The following VCL variants were observed in gnomAD, a reference collection of about 807,000 sequenced individuals.
VCL encodes the protein vinculin, also known as epididymis luminal protein 114.
VCL carries 47 observed loss-of-function variants against 125.7 expected under a neutral mutation model. That is an observed-to-expected ratio of 0.37 (90% CI 0.30 to 0.48). The LOEUF (loss-of-function observed/expected upper bound fraction) is 0.48. VCL is among the 20% of genes least tolerant of loss of function. VCL has a pLI of 0.99. For synonymous variants in VCL, 458 were observed against 514.6 expected (o/e 0.89, Z 1.49); for missense variants, 1,069 against 1,455.5 (o/e 0.73, Z 4.32).
chr10:74,007,589 G>A (rs1457328137), intron 1 of VCL, among the ~76,000 whole-genome samples: 1 of 152,062 alleles, frequency 6.6e-6, no homozygotes, highest in East Asian at 1.9e-4. Flanking sequence ...TCTGCCTCCC[G>A]GGTTCAAGTG....
intron 8 of VCL, among the ~76,000 whole-genome samples, chr10:74,083,934 C>T (rs1246605820): frequency 6.6e-6 from 1 of 151,972 alleles, no homozygotes; most frequent in Non-Finnish European, 1.5e-5. Flanking sequence ...GTGGCGCGAT[C>T]TTGGGTCACT....
chr10:74,090,109 A>G lies in VCL; in HGVS notation c.1263A>G (p.Leu421=), dbSNP rs747806207. The G allele has an allele frequency of 3.7e-6, 6 of 1,614,084 alleles. No homozygotes were observed. Among genetic ancestry groups the G allele is most frequent in the African/African-American group, 1.3e-5 (1 of 74,924 alleles). The change falls in exon 10 of 22, where the codon TTA becomes TTG. Residue 421 remains leucine (L), a synonymous_variant. Transcript: ENST00000211998. Reference sequence around the variant, plus strand: ...CTGAAGCTCGGAAAATAGCAGAATTATGTGATGATCCTAAAGAAAGAGATG... The same window carrying G: ...CTGAAGCTCGGAAAATAGCAGAATTGTGTGATGATCCTAAAGAAAGAGATG... ...ALAEARKIAE[L]CDDPKERDDI...
At chr10:74,025,546 C>G (rs1565637299) in intron 1 of VCL, among the ~76,000 whole-genome samples, 1 of 149,338 alleles carries the variant, frequency 6.7e-6, no homozygotes, top group African/African-American at 2.5e-5. Context: ...CTCGGAAGGT[C>G]AAGGTTGCAG....
chr10:74,022,416 C>T (rs1455956401), intron 1 of VCL, among the ~76,000 whole-genome samples: 3 of 151,456 alleles, frequency 2.0e-5, no homozygotes, highest in South Asian at 4.2e-4. Context: ...CATGATGGCA[C>T]GCACCTGTAG....
intron 6 of VCL, among the ~76,000 whole-genome samples, chr10:74,081,473 A>G (rs775473688): frequency 1.3e-5 from 2 of 152,194 alleles, no homozygotes; most frequent in Non-Finnish European, 2.9e-5. Flanking sequence ...AAGCTAGGAC[A>G]TTGCCTAGAA....
At chr10:74,004,045 G>A (rs1840275871) in intron 1 of VCL, among the ~76,000 whole-genome samples, 1 of 152,144 alleles carries the variant, frequency 6.6e-6, no homozygotes, top group African/African-American at 2.4e-5. Context: ...AAGGAGATCA[G>A]CAGTTAATTT....
chr10:74,114,137 G>A, intron 19 of VCL, 47 bp from the exon 20 acceptor site: 2 of 1,606,048 alleles, frequency 1.2e-6, no homozygotes, highest in Non-Finnish European at 1.7e-6. Context: ...TCCTTAACAT[G>A]GCCAGAGCGT....
At chr10:74,040,132 A>C (rs558630187) in intron 1 of VCL, among the ~76,000 whole-genome samples, 1 of 152,298 alleles carries the variant, frequency 6.6e-6, no homozygotes, top group African/African-American at 2.4e-5. Flanking sequence ...TTCCAAAGTA[A>C]GCTCCTTTGT....
chr10:74,048,092 G>A (rs1841224026), intron 2 of VCL, among the ~76,000 whole-genome samples: 1 of 152,188 alleles, frequency 6.6e-6, no homozygotes, highest in Admixed American at 6.5e-5. Flanking sequence ...AAACTGCCCA[G>A]ATTGTCATAA....
At chr10:74,072,888 A>G (rs1485089035) in intron 5 of VCL, 36 bp downstream of exon 5, 3 of 1,613,712 alleles carry the variant, frequency 1.9e-6, no homozygotes, top group Admixed American at 1.7e-5. Flanking sequence ...ATAGGGGGGA[A>G]AAATGTTAGC....
At chr10:74,079,540 G>T (rs1384610015) in intron 6 of VCL, among the ~76,000 whole-genome samples, 1 of 152,090 alleles carries the variant, frequency 6.6e-6, no homozygotes, top group Admixed American at 6.6e-5. Flanking sequence ...GACCACAAGG[G>T]TTACGATTAT....
intron 2 of VCL, among the ~76,000 whole-genome samples, chr10:74,067,158 G>A (rs1841582689): frequency 6.6e-6 from 1 of 152,132 alleles, no homozygotes; most frequent in Non-Finnish European, 1.5e-5. Flanking sequence ...TATTTCTGAT[G>A]AGAGTTTAAT....
chr10:74,018,882 A>G (rs949859193), intron 1 of VCL, among the ~76,000 whole-genome samples: 1 of 152,160 alleles, frequency 6.6e-6, no homozygotes, highest in African/African-American at 2.4e-5. Context: ...TTTGTGCACA[A>G]TCTGGCAGTA....
chr10:74,018,275 CTT>C (rs1840599039), intron 1 of VCL, among the ~76,000 whole-genome samples: 1 of 146,470 alleles, frequency 6.8e-6, no homozygotes, highest in East Asian at 1.9e-4. Context: ...TCAGGCTGGT[CTT>C]GAACTCCTGG....
chr10:74,033,284 A>G (rs1467656356), intron 1 of VCL, among the ~76,000 whole-genome samples: 1 of 152,250 alleles, frequency 6.6e-6, no homozygotes, highest in Non-Finnish European at 1.5e-5. Context: ...TATATCAGAT[A>G]TTTAGAATAA....
At position 74,017,142 on chromosome 10, in the gene VCL, G is replaced by T. The variant is rs569344148; in HGVS notation, c.168+18767G>T. Among the ~76,000 whole-genome samples the T allele has an allele frequency of 8.0e-3, 1,143 of 142,568 alleles. 9 individuals are homozygous for T. The highest frequency in any genetic ancestry group is 0.015 in the Non-Finnish European group (971 of 66,558). The allele number at this position is 142,568 out of a possible 152,430, so 93.5% of individuals were successfully genotyped here. A position where few individuals can be genotyped will look rare whatever the true frequency, so the allele number is the denominator to read the frequency against. On this transcript the variant is annotated intron_variant, in intron 1 of 21. Coordinates refer to ENST00000211998, the MANE Select transcript of VCL (RefSeq NM_014000.3). The stretch of plus-strand genomic sequence containing the variant: ...GGCTCACTGCAAGCTCCGCCTCCCG[G>T]GTTCACGCCATTCTCCTGCCTCAGC...
chr10:74,018,415 A>G (rs1377884770), intron 1 of VCL, among the ~76,000 whole-genome samples: 1 of 151,932 alleles, frequency 6.6e-6, no homozygotes, highest in Admixed American at 6.6e-5. Context: ...TCTGATGCCA[A>G]GGAGCAAACA....
rs1341597341 is a variant in VCL at position 74,097,260 on chromosome 10, C to T, written c.1800C>T (p.Ser600=). 6.8e-6 allele frequency: 11 copies of T among 1,613,970 alleles called. No individual in the cohort carries two copies. The highest frequency in any genetic ancestry group is 1.1e-5 in the South Asian group (1 of 91,070). ...CTCAGGAAGTGTCAGATGTTTTCAG[C>T]GATACCACAACTCCCATCAAGCTGT... The part of the protein sequence containing the change: ...AMTQEVSDVF[S]DTTTPIKLLA... Residue 600 remains serine, a synonymous_variant, in exon 13 of 22, where the codon AGC becomes AGT. Coordinates refer to ENST00000211998, the MANE Select transcript of VCL (RefSeq NM_014000.3). This position sits in a 1 kb window ranked among gnomAD's most constrained non-coding sequence, Gnocchi z 4.1.
Position 74,083,407 on chromosome 10 carries a change from G to A in VCL, c.916G>A (p.Ala306Thr), listed in dbSNP as rs1287184799. The change falls in exon 8 of 22, where the codon GCT becomes ACT. Residue 306 changes from alanine to threonine, a missense_variant. Around this residue, in one of 6 missense-constraint regions of VCL, gnomAD observed 760 missense variants for 928.9 expected, o/e 0.82. Coordinates refer to ENST00000211998, the MANE Select transcript of VCL (RefSeq NM_014000.3). ...GGCCATCAGACAGATCTTAGATGAA[G>A]CTGGAAAAGTTGGTGAACTCTGTGC... ...EQAIRQILDEAGKVGELCAGK... is the reference protein window; with the variant it reads ...EQAIRQILDETGKVGELCAGK... 1 of 1,614,042 alleles carries A rather than the reference G, an allele frequency of 6.2e-7. No individual in the cohort carries two copies. Among genetic ancestry groups the A allele is most frequent in the Non-Finnish European group, 8.5e-7 (1 of 1,180,008 alleles).
Sources: gnomAD v4.1 joint callset for allele counts (sites outside exome capture counted in the v4.1 genomes callset) on GRCh38, gnomAD v4.1.1 for gene constraint, gnomAD v4.1.1 regional missense constraint, Gnocchi (gnomAD v3.1) non-coding constraint, MANE v1.5 for transcripts, NCBI Gene and HGNC (gene_info 2026-07-23, HGNC 2026-07-21) for gene names.